Variants in CASZ1 observed in about 807,000 individuals in gnomAD.
CASZ1 encodes the protein castor zinc finger 1, also known as zinc finger protein castor homolog 1.
Under a neutral mutation model 135.2 loss-of-function variants are expected in CASZ1, and 28 were observed. That is an observed-to-expected ratio of 0.21 (90% CI 0.15 to 0.28). The LOEUF (loss-of-function observed/expected upper bound fraction) is 0.28, where lower values mean the gene tolerates loss of function less well. Among genes scored for constraint, CASZ1 ranks in the 10% least tolerant of loss-of-function variants. CASZ1 has a pLI of 1.00. For missense variants in CASZ1, 2,161 were observed against 2,453.3 expected (o/e 0.88, Z 2.52); for synonymous variants, 1,068 against 1,073.4 (o/e 0.99, Z 0.10).
chr1:10,645,777 T>C (rs1642347812), intron 17 of CASZ1, among the ~76,000 whole-genome samples: 1 of 152,188 alleles, frequency 6.6e-6, no homozygotes, highest in Non-Finnish European at 1.5e-5. Context: ...GACTTTCCTG[T>C]GTGGGCACGG....
At chr1:10,705,248 C>A (rs2100443244) in intron 3 of CASZ1, among the ~76,000 whole-genome samples, 1 of 152,374 alleles carries the variant, frequency 6.6e-6, no homozygotes, top group South Asian at 2.1e-4. Flanking sequence ...CCAAAGTCTG[C>A]AATCCATATG....
intron 4 of CASZ1, among the ~76,000 whole-genome samples, chr1:10,693,497 CAAAAAAAA>C (rs1172496673): frequency 3.9e-4 from 9 of 23,276 alleles, no homozygotes; most frequent in African/African-American, 1.6e-3. Flanking sequence ...TTGCAGAGAA[CAAAAAAAA>C]AAAAAAAAAA....
intron 2 of CASZ1, among the ~76,000 whole-genome samples, chr1:10,722,307 T>A (rs1320497290): frequency 6.6e-6 from 1 of 152,148 alleles, no homozygotes; most frequent in Non-Finnish European, 1.5e-5. Context: ...AAACAACATG[T>A]TTTGCTGAAG....
chr1:10,715,708 G>GAGCACCCAATCCGCTCCCCAC (rs1639370945), intron 2 of CASZ1, among the ~76,000 whole-genome samples: 3 of 41,640 alleles, frequency 7.2e-5, no homozygotes, highest in African/African-American at 1.0e-4. Flanking sequence ...CCACACCCCA[G>GAGCACCCAATCCGCTCCCCAC]AGCACCCAAT....
chr1:10,713,450 A>C (rs1382103664), intron 2 of CASZ1, among the ~76,000 whole-genome samples: 1 of 152,178 alleles, frequency 6.6e-6, no homozygotes, highest in African/African-American at 2.4e-5. Flanking sequence ...ATTTACTACA[A>C]TTTAAGAGTC....
chr1:10,639,104 GTCGTCC>G lies in CASZ1; in HGVS notation c.5112_5117del (p.Glu1704_Asp1705del), dbSNP rs1570388679. ...GGTCCTCGTCGTCGTCGTCCTCGTC[GTCGTCC>G]TCGTCGTCGTCGTCCTCGTCGTCGT... On this transcript the variant is annotated inframe_deletion, in exon 21 of 21. Coordinates refer to ENST00000377022, the MANE Select transcript of CASZ1 (RefSeq NM_001079843.3). The surrounding 1 kb of genome is among the most constrained non-coding windows in gnomAD (Gnocchi z 4.0). The G allele has an allele frequency of 1.7e-6, 2 of 1,147,440 alleles. No homozygotes were observed. Among genetic ancestry groups the G allele is most frequent in the Non-Finnish European group, 2.2e-6 (2 of 910,964 alleles). The allele number at this position is 1,147,440 out of a possible 1,614,324, so 71.1% of individuals were successfully genotyped here.
At position 10,650,869 on chromosome 1, in the gene CASZ1, C is replaced by T. The variant is rs149817523; in HGVS notation, c.2816+72G>A. On this transcript the variant is annotated intron_variant, in intron 12 of 20. Transcript: ENST00000377022. ...GCCGAGCCCGCTGCAACTGCCTGGG[C>T]GGGACCACCCCGGGGCTCCAGCTCG... The T allele has an allele frequency of 1.2e-4, 186 of 1,604,966 alleles. No homozygotes were observed. In the East Asian group the frequency reaches 2.3e-3, roughly 20 times the overall value.
At chr1:10,698,242 T>G (rs1050660704) in intron 3 of CASZ1, among the ~76,000 whole-genome samples, 1 of 152,244 alleles carries the variant, frequency 6.6e-6, no homozygotes, top group Non-Finnish European at 1.5e-5. Context: ...CTTCATTTCT[T>G]TGTGAATATT....
chr1:10,702,953 A>T (rs1239126021), intron 3 of CASZ1, among the ~76,000 whole-genome samples: 1 of 144,296 alleles, frequency 6.9e-6, no homozygotes, highest in Non-Finnish European at 1.5e-5. Flanking sequence ...AAGGAGAGAG[A>T]GGGAGAGGCA....
chr1:10,694,214 C>T lies in CASZ1; in HGVS notation c.-23-302G>A. 4.2e-6 allele frequency: 2 copies of T among 481,896 alleles called. No individual in the cohort carries two copies. Among genetic ancestry groups the T allele is most frequent in the Non-Finnish European group, 2.7e-6 (1 of 369,882 alleles). The allele number at this position is 481,896 out of a possible 1,614,324, so 29.9% of individuals were successfully genotyped here. A position where few individuals can be genotyped will look rare whatever the true frequency, so the allele number is the denominator to read the frequency against. Reference sequence around the variant, plus strand: ...GATCCGCGAGGCCCAGGGGCGCCCCCGTCCCGCCGACCGCGCCCCGCGCCC... The same window carrying T: ...GATCCGCGAGGCCCAGGGGCGCCCCTGTCCCGCCGACCGCGCCCCGCGCCC... On this transcript the variant is annotated intron_variant, in intron 3 of 20. Transcript: ENST00000377022. The surrounding 1 kb of genome is among the most constrained non-coding windows in gnomAD (Gnocchi z 6.6).
chr1:10,734,337 G>A, intron 2 of CASZ1, among the ~76,000 whole-genome samples: 1 of 149,684 alleles, frequency 6.7e-6, no homozygotes, highest in African/African-American at 2.5e-5. Flanking sequence ...AAAAATTCTA[G>A]GAAACAAAAT....
chr1:10,726,975 C>T lies in CASZ1; in HGVS notation c.-76-21431G>A, dbSNP rs1020967586. 6.6e-6 allele frequency among the ~76,000 whole-genome samples: 1 copy of T among 152,156 alleles called. No individual in the cohort carries two copies. The highest frequency in any genetic ancestry group is 1.5e-5 in the Non-Finnish European group (1 of 68,024). ...CTGGCCAGTTTCTCTATCACGAAAG[C>T]CAGGACGGAGGGGAGGGAGACCGGG... On this transcript the variant is annotated intron_variant, in intron 2 of 20. Coordinates refer to ENST00000377022, the MANE Select transcript of CASZ1 (RefSeq NM_001079843.3). This position sits in a 1 kb window ranked among gnomAD's most constrained non-coding sequence, Gnocchi z 5.7.
intron 2 of CASZ1, among the ~76,000 whole-genome samples, chr1:10,750,007 C>T (rs2100553328): frequency 6.6e-6 from 1 of 152,276 alleles, no homozygotes; most frequent in East Asian, 1.9e-4. Context: ...AGGTATATAA[C>T]TGTGCCCTCT....
chr1:10,667,727 C>T (rs1340130189), intron 4 of CASZ1, among the ~76,000 whole-genome samples: 1 of 152,146 alleles, frequency 6.6e-6, no homozygotes, highest in Non-Finnish European at 1.5e-5. Flanking sequence ...GCAAATGAAT[C>T]TGTAAATATT....
rs1357530587 is a variant in CASZ1 at position 10,719,161 on chromosome 1, GCCCGCTTCCGGCT to G, written c.-76-13630_-76-13618del. Among the ~76,000 whole-genome samples the G allele has an allele frequency of 6.6e-6, 1 of 152,076 alleles. No homozygotes were observed. The highest frequency in any genetic ancestry group is 1.5e-5 in the Non-Finnish European group (1 of 68,012). ...TCGAACTCCTGACCTCAAGCAATCT[GCCCGCTTCCGGCT>G]CCCTAAGTGCTGGGATTACAGGCGT... is the stretch of plus-strand genomic sequence containing the variant. On this transcript the variant is annotated intron_variant, in intron 2 of 20. Coordinates refer to ENST00000377022, the MANE Select transcript of CASZ1 (RefSeq NM_001079843.3). The surrounding 1 kb of genome is among the most constrained non-coding windows in gnomAD (Gnocchi z 4.0).
At chr1:10,734,935 G>T (rs1469531948) in intron 2 of CASZ1, among the ~76,000 whole-genome samples, 1 of 152,166 alleles carries the variant, frequency 6.6e-6, no homozygotes, top group Non-Finnish European at 1.5e-5. Flanking sequence ...AGAGAGAGAA[G>T]TGGGGGGCCA....
At chr1:10,664,426 A>G (rs1326450273) in intron 5 of CASZ1, among the ~76,000 whole-genome samples, 1 of 151,312 alleles carries the variant, frequency 6.6e-6, no homozygotes, top group Non-Finnish European at 1.5e-5. Flanking sequence ...GCAGGGCCTC[A>G]GTGCCTCGTG....
rs949847602 is a variant in CASZ1 at position 10,776,481 on chromosome 1, T to G, written c.-233-15624A>C. On this transcript the variant is annotated intron_variant, in intron 1 of 20. Coordinates refer to ENST00000377022, the MANE Select transcript of CASZ1 (RefSeq NM_001079843.3). This position sits in a 1 kb window ranked among gnomAD's most constrained non-coding sequence, Gnocchi z 4.1. ...CTCCCCTGCTTGTAATTGTCTCACG[T>G]CTTGGCCTCTCAGTACTCGGCAAGT... Among the ~76,000 whole-genome samples, 2 of 152,200 alleles carry G rather than the reference T, an allele frequency of 1.3e-5. No individual in the cohort carries two copies. The highest frequency in any genetic ancestry group is 6.5e-5 in the Admixed American group (1 of 15,280).
In CASZ1 at chr1:10,698,121, G is replaced by A. The variant is rs1464714201; in HGVS notation, c.-23-4209C>T. ...CAGAGTGGGTGGCGGAGCGAGGGCCGCGCCGAGTGTAAGGCAGACGCAGGG... is the reference window on the plus strand; with the variant it reads ...CAGAGTGGGTGGCGGAGCGAGGGCCACGCCGAGTGTAAGGCAGACGCAGGG... On this transcript the variant is annotated intron_variant, in intron 3 of 20. Transcript: ENST00000377022. 3.9e-5 allele frequency among the ~76,000 whole-genome samples: 6 copies of A among 152,358 alleles called. No individual in the cohort carries two copies. The East Asian group carries it at 7.7e-4, about 20-fold the overall frequency.
Sources: gnomAD v4.1 joint callset for allele counts (sites outside exome capture counted in the v4.1 genomes callset) on GRCh38, gnomAD v4.1.1 for gene constraint, Gnocchi (gnomAD v3.1) non-coding constraint, MANE v1.5 for transcripts, NCBI Gene and HGNC (gene_info 2026-07-23, HGNC 2026-07-21) for gene names.